The following ANKS1B variants were observed in gnomAD, a reference collection of about 807,000 sequenced individuals.
ANKS1B encodes the protein ankyrin repeat and sterile alpha motif domain containing 1B, also known as ankyrin repeat and sterile alpha motif domain-containing protein 1B.
Under a neutral mutation model 148.3 loss-of-function variants are expected in ANKS1B, and 36 were observed. That is an observed-to-expected ratio of 0.24 (90% confidence interval 0.19 to 0.32). The LOEUF (loss-of-function observed/expected upper bound fraction) is 0.32, where lower values mean the gene tolerates loss of function less well. Ranked by LOEUF, ANKS1B falls within the 10% of genes least tolerant of loss-of-function variation. The pLI is 1.00. For synonymous variants in ANKS1B, 542 were observed against 560.8 expected (o/e 0.97, Z 0.47); for missense variants, 1,157 against 1,542.6 (o/e 0.75, Z 4.19).
intron 17 of ANKS1B, among the ~76,000 whole-genome samples, chr12:98,993,906 GT>G (rs1421319182): frequency 1.6e-4 from 24 of 152,222 alleles, no homozygotes; most frequent in African/African-American, 5.8e-4. Flanking sequence ...TAGTGTATTC[GT>G]TTCAGTCCTA....
chr12:99,353,170 G>T (rs1284546397), intron 12 of ANKS1B, among the ~76,000 whole-genome samples: 2 of 151,992 alleles, frequency 1.3e-5, no homozygotes, highest in African/African-American at 4.8e-5. Context: ...ACAGTATGAT[G>T]TGGTCTTTAG....
intron 25 of ANKS1B, among the ~76,000 whole-genome samples, chr12:98,764,156 T>G (rs1457189563): frequency 6.6e-6 from 1 of 152,138 alleles, no homozygotes; most frequent in African/African-American, 2.4e-5. Flanking sequence ...GAGGAAGAAA[T>G]GCCAGATTTC....
chr12:99,195,500 C>G (rs1366792038), intron 14 of ANKS1B, among the ~76,000 whole-genome samples: 3 of 151,866 alleles, frequency 2.0e-5, no homozygotes, highest in Non-Finnish European at 2.9e-5. Context: ...TTGGCAAGGA[C>G]TATAAAAGTT....
intron 10 of ANKS1B, among the ~76,000 whole-genome samples, chr12:99,466,654 C>T (rs12819605): frequency 2.0e-5 from 3 of 151,408 alleles, no homozygotes. Context: ...GAGAATACTA[C>T]AAACACCTCT....
intron 17 of ANKS1B, among the ~76,000 whole-genome samples, chr12:98,925,409 C>T (rs1490140902): frequency 6.6e-6 from 1 of 152,130 alleles, no homozygotes; most frequent in Admixed American, 6.6e-5. Flanking sequence ...TACACTGATT[C>T]CCTAGGTGAC....
At chr12:99,726,994 A>T (rs906110835) in intron 8 of ANKS1B, among the ~76,000 whole-genome samples, 3 of 152,160 alleles carry the variant, frequency 2.0e-5, no homozygotes, top group African/African-American at 7.2e-5. Flanking sequence ...ATATCTCAAA[A>T]TAATCAGAGC....
intron 8 of ANKS1B, among the ~76,000 whole-genome samples, chr12:99,711,679 T>A (rs2056657282): frequency 1.3e-5 from 2 of 151,982 alleles, no homozygotes; most frequent in Admixed American, 6.6e-5. Flanking sequence ...ATGGCTATTA[T>A]TAAAAAGTCA....
At chr12:99,127,778 G>A (rs2064849186) in intron 15 of ANKS1B, among the ~76,000 whole-genome samples, 1 of 152,200 alleles carries the variant, frequency 6.6e-6, no homozygotes, top group South Asian at 2.1e-4. Flanking sequence ...ACTCTGTGCT[G>A]TACTTCGATC....
At chr12:99,448,573 A>G (rs2095674013) in intron 10 of ANKS1B, among the ~76,000 whole-genome samples, 1 of 152,090 alleles carries the variant, frequency 6.6e-6, no homozygotes, top group Admixed American at 6.6e-5. Flanking sequence ...AAGAGTTCTC[A>G]CCACAAAAAA....
At chr12:99,190,155 G>C (rs1210441976) in intron 14 of ANKS1B, among the ~76,000 whole-genome samples, 1 of 152,062 alleles carries the variant, frequency 6.6e-6, no homozygotes, top group Non-Finnish European at 1.5e-5. Flanking sequence ...ACCTCTTCAA[G>C]GAGAACTACA....
At chr12:98,943,758 A>G (rs1353849988) in intron 17 of ANKS1B, among the ~76,000 whole-genome samples, 2 of 152,036 alleles carry the variant, frequency 1.3e-5, no homozygotes, top group African/African-American at 2.4e-5. Flanking sequence ...ACTTTAACCC[A>G]CCTTTGCCGT....
At chr12:99,579,570 T>C (rs2097550665) in intron 9 of ANKS1B, among the ~76,000 whole-genome samples, 1 of 152,132 alleles carries the variant, frequency 6.6e-6, no homozygotes, top group Non-Finnish European at 1.5e-5. Flanking sequence ...AAAGGAGACA[T>C]ACATGTAGCC....
At chr12:99,217,148 G>A (rs999053839) in intron 14 of ANKS1B, among the ~76,000 whole-genome samples, 1 of 152,082 alleles carries the variant, frequency 6.6e-6, no homozygotes, top group African/African-American at 2.4e-5. Flanking sequence ...TCTTGTTTAA[G>A]CCACTATTAT....
In ANKS1B at chr12:99,403,437, G is replaced by A. The variant is rs148177325; in HGVS notation, c.1576-3626C>T. ...CTCCCAAAGTGCTGGGATTACAGGCGTGAACGACCATACCCAGCCCCCAAT... is the reference window on the plus strand; with the variant it reads ...CTCCCAAAGTGCTGGGATTACAGGCATGAACGACCATACCCAGCCCCCAAT... On this transcript the variant is annotated intron_variant, in intron 11 of 26. Coordinates refer to ENST00000683438, the MANE Select transcript of ANKS1B (RefSeq NM_001352186.2). 5.6e-4 allele frequency among the ~76,000 whole-genome samples: 81 copies of A among 143,684 alleles called. 2 individuals carry two copies. The East Asian group carries it at 0.011, about 19-fold the overall frequency. The allele number at this position is 143,684 out of a possible 152,430, so 94.3% of individuals were successfully genotyped here. A position where few individuals can be genotyped will look rare whatever the true frequency, so the allele number is the denominator to read the frequency against.
chr12:99,123,019 T>C (rs1252489937), intron 15 of ANKS1B, among the ~76,000 whole-genome samples: 1 of 137,406 alleles, frequency 7.3e-6, no homozygotes, highest in South Asian at 2.3e-4. Flanking sequence ...TATATAAACA[T>C]GTATATAAAC....
At chr12:99,346,785 T>G (rs1027587961) in intron 12 of ANKS1B, among the ~76,000 whole-genome samples, 1 of 151,930 alleles carries the variant, frequency 6.6e-6, no homozygotes, top group African/African-American at 2.4e-5. Context: ...TTAAAATGTG[T>G]AGCACCTCCC....
At chr12:99,400,417 A>G (rs1268382707) in intron 11 of ANKS1B, among the ~76,000 whole-genome samples, 1 of 145,820 alleles carries the variant, frequency 6.9e-6, no homozygotes, top group Non-Finnish European at 1.5e-5. Context: ...AAGAATTTTA[A>G]TTAATCCCCA....
intron 25 of ANKS1B, among the ~76,000 whole-genome samples, chr12:98,756,280 T>C (rs1238569797): frequency 6.6e-6 from 1 of 152,124 alleles, no homozygotes; most frequent in Non-Finnish European, 1.5e-5. Flanking sequence ...GATCTGATAG[T>C]TTTATAAATG....
intron 8 of ANKS1B, among the ~76,000 whole-genome samples, chr12:99,707,022 C>T (rs943297175): frequency 6.6e-6 from 1 of 152,100 alleles, no homozygotes; most frequent in African/African-American, 2.4e-5. Flanking sequence ...GCTTGAATAC[C>T]TGACACACGA....
Sources: gnomAD v4.1 joint callset for allele counts (sites outside exome capture counted in the v4.1 genomes callset) on GRCh38, gnomAD v4.1.1 for gene constraint, MANE v1.5 for transcripts, NCBI Gene and HGNC (gene_info 2026-07-23, HGNC 2026-07-21) for gene names.